The following MMP9 variants were observed in gnomAD, a reference collection of about 807,000 sequenced individuals.
The protein encoded by MMP9 is matrix metalloproteinase-9.
A neutral mutation model predicts 76.4 loss-of-function variants in MMP9; 73 were observed. The ratio of observed to expected loss-of-function variants is 0.96; its 90% confidence interval spans 0.79 to 1.16. The LOEUF is 1.16. Ranked by LOEUF, MMP9 falls within the 50% of genes most tolerant of loss-of-function variation. The pLI, the probability that MMP9 is intolerant of heterozygous loss-of-function variation, is 0.00. For synonymous variants in MMP9, 412 were observed against 408.4 expected, an observed-to-expected ratio of 1.01 and a Z score of -0.11; for missense variants, 943 against 973.0, an observed-to-expected ratio of 0.97 and a Z score of 0.41.
rs755208384 is a variant in MMP9 at position 46,013,345 on chromosome 20, C to A, written c.1421C>A (p.Thr474Asn). ...PPTVCPTGPP[T>N]VHPSERPTAG... is the part of the protein sequence containing the mutation. ...ACGGTCTGCCCCACCGGACCCCCCA[C>A]TGTCCACCCCTCAGAGCGCCCCACA... Residue 474 changes from threonine (T) to asparagine (N), a missense_variant, in exon 9 of 13, where the codon ACT (threonine) becomes AAT (asparagine). Physicochemically the swap from Thr to Asn is moderately conservative, Grantham distance 65. Transcript: ENST00000372330. The surrounding 1 kb of genome is among the most constrained non-coding windows in gnomAD (Gnocchi z 4.5). 9.3e-6 allele frequency: 15 copies of A among 1,613,312 alleles called. No homozygotes were observed. The highest frequency in any genetic ancestry group is 8.5e-6 in the Non-Finnish European group (10 of 1,179,592).
At position 46,011,023 on chromosome 20, in the gene MMP9, G is replaced by C. The variant is rs139218878; in HGVS notation, c.622G>C (p.Glu208Gln). The C allele has an allele frequency of 6.2e-7, 1 of 1,610,338 alleles. No homozygotes were observed. Among genetic ancestry groups the C allele is most frequent in the African/African-American group, 1.3e-5 (1 of 74,878 alleles). ...IQGDAHFDDD[E>Q]LWSLGKGVVV... ...GGGAGACGCCCATTTCGACGATGAC[G>C]AGTTGTGGTCCCTGGGCAAGGGCGT... Residue 208 changes from glutamate to glutamine, a missense_variant, in exon 4 of 13, where the codon GAG becomes CAG. Transcript: ENST00000372330.
chr20:46,014,352 C>T lies in MMP9; in HGVS notation c.1902-19C>T. On this transcript the variant is annotated intron_variant, in intron 11 of 12. Coordinates refer to ENST00000372330, the MANE Select transcript of MMP9 (RefSeq NM_004994.3). ...CCGCTAGCCGGCTCAGCACCTGTCT[C>T]CTCCGCGCCTGCCCGCAGGTTCGAC... is the stretch of plus-strand genomic sequence containing the variant. The T allele has an allele frequency of 6.5e-7, 1 of 1,545,662 alleles. No homozygotes were observed. Among genetic ancestry groups the T allele is most frequent in the Non-Finnish European group, 8.7e-7 (1 of 1,146,876 alleles).
chr20:46,011,438 C>T, intron 5 of MMP9, 122 bp downstream of exon 5: 2 of 1,563,848 alleles, frequency 1.3e-6, no homozygotes, highest in Non-Finnish European at 1.7e-6. Flanking sequence ...ACTCTGGGCC[C>T]AATTTTCTCA....
chr20:46,011,395 T>C, intron 5 of MMP9, 79 bp downstream of exon 5: 1 of 1,569,706 alleles, frequency 6.4e-7, no homozygotes, highest in Non-Finnish European at 8.7e-7. Flanking sequence ...GCTCTGCCAC[T>C]AGTGCTGTGT....
In MMP9 at chr20:46,011,220, G is replaced by C; in HGVS notation, c.727G>C (p.Ala243Pro). The C allele has an allele frequency of 6.2e-7, 1 of 1,613,928 alleles. No individual in the cohort carries two copies. The highest frequency in any genetic ancestry group is 1.3e-5 in the African/African-American group (1 of 75,046). Reference protein sequence around the residue: ...PFIFEGRSYSACTTDGRSDGL... With the variant: ...PFIFEGRSYSPCTTDGRSDGL... ...CATCTTCGAGGGCCGCTCCTACTCT[G>C]CCTGCACCACCGACGGTCGCTCCGA... Residue 243 changes from alanine to proline, a missense_variant, in exon 5 of 13, where the codon GCC becomes CCC. Physicochemically the swap from Ala to Pro is conservative, Grantham distance 27 (BLOSUM62 -1). Coordinates refer to ENST00000372330, the MANE Select transcript of MMP9 (RefSeq NM_004994.3).
Position 46,010,650 on chromosome 20 carries a change from A to C in MMP9, c.520+19A>C, listed in dbSNP as rs369381301. The C allele has an allele frequency of 1.3e-5, 21 of 1,608,744 alleles. No individual in the cohort carries two copies. Among genetic ancestry groups the C allele is most frequent in the Non-Finnish European group, 1.8e-5 (21 of 1,177,294 alleles). On this transcript the variant is annotated intron_variant, in intron 3 of 12. Coordinates refer to ENST00000372330, the MANE Select transcript of MMP9 (RefSeq NM_004994.3). ...GTCGCGGGTGAGAACGTGAGGAGGGAAAATCCAAGAGACCTGGGCGGGGTC... is the reference window on the plus strand; with the variant it reads ...GTCGCGGGTGAGAACGTGAGGAGGGCAAATCCAAGAGACCTGGGCGGGGTC...
In MMP9 at chr20:46,008,985, C is replaced by G. The variant is rs1805088; in HGVS notation, c.59C>G (p.Ala20Gly). 6.2e-6 allele frequency: 10 copies of G among 1,613,804 alleles called. No homozygotes were observed. The Admixed American group carries it at 6.7e-5, about 11-fold the overall frequency. The change falls in exon 1 of 13, where the codon GCC becomes GGC. Residue 20 changes from alanine to glycine, a missense_variant. Ala to Gly is a moderately conservative substitution (Grantham distance 60). Transcript: ENST00000372330. ...VLLVLGCCFA[A>G]PRQRQSTLVL... ...CTGGTGCTGGGCTGCTGCTTTGCTG[C>G]CCCCAGACAGCGCCAGTCCACCCTT...
At chr20:46,009,796 A>T in intron 1 of MMP9, 70 bp from the exon 2 acceptor site, 1 of 1,302,588 alleles carries the variant, frequency 7.7e-7, no homozygotes, top group South Asian at 1.3e-5. Context: ...GTCTGGAGGG[A>T]GTCCTTTGGC....
In MMP9 at chr20:46,014,360, C is replaced by G. The variant is rs1163117972; in HGVS notation, c.1902-11C>G. ...CGGCTCAGCACCTGTCTCCTCCGCG[C>G]CTGCCCGCAGGTTCGACGTGAAGGC... On this transcript the variant is annotated splice_polypyrimidine_tract_variant and intron_variant, in intron 11 of 12. Transcript: ENST00000372330. 3 of 1,546,492 alleles carry G rather than the reference C, an allele frequency of 1.9e-6. No individual in the cohort carries two copies. In the Admixed American group the frequency reaches 5.9e-5, roughly 30 times the overall value.
At chr20:46,015,436 C>CT (rs996907608) in intron 12 of MMP9, among the ~76,000 whole-genome samples, 13 of 145,768 alleles carry the variant, frequency 8.9e-5, no homozygotes, top group South Asian at 2.2e-4. Context: ...TCTATATTTT[C>CT]TTTTTTTTTC....
chr20:46,013,234 T>C lies in MMP9; in HGVS notation c.1331-21T>C, dbSNP rs2084295360. The C allele has an allele frequency of 6.2e-7, 1 of 1,613,762 alleles. No individual in the cohort carries two copies. Among genetic ancestry groups the C allele is most frequent in the Non-Finnish European group, 8.5e-7 (1 of 1,179,874 alleles). ...GAGGTATGCAGGAATAGGAAGAGTCTCACCCCGTGTCTCTTTTTAGGTCCT... is the reference window on the plus strand; with the variant it reads ...GAGGTATGCAGGAATAGGAAGAGTCCCACCCCGTGTCTCTTTTTAGGTCCT... On this transcript the variant is annotated intron_variant, in intron 8 of 12. Coordinates refer to ENST00000372330, the MANE Select transcript of MMP9 (RefSeq NM_004994.3). The surrounding 1 kb of genome is among the most constrained non-coding windows in gnomAD (Gnocchi z 4.5).
Position 46,013,576 on chromosome 20 carries a change from G to A in MMP9, c.1610+42G>A. 1 of 1,611,396 alleles carries A rather than the reference G, an allele frequency of 6.2e-7. No individual in the cohort carries two copies. ...GTGTGGATGCGGGAGGGGGCTTTGC[G>A]GAGGGGCTGCCCGTCCCTTCCCGCC... On this transcript the variant is annotated intron_variant, in intron 9 of 12. Coordinates refer to ENST00000372330, the MANE Select transcript of MMP9 (RefSeq NM_004994.3). This position sits in a 1 kb window ranked among gnomAD's most constrained non-coding sequence, Gnocchi z 4.5.
Position 46,013,870 on chromosome 20 carries a change from C to A in MMP9, c.1750+74C>A, listed in dbSNP as rs892533981. ...AGGAGGCTCAAGAGACCATCGATAA[C>A]CCACGAAACGTCTTGTGCGTTTTAG... On this transcript the variant is annotated intron_variant, in intron 10 of 12. Transcript: ENST00000372330. The surrounding 1 kb of genome is among the most constrained non-coding windows in gnomAD (Gnocchi z 4.5). 8 of 1,590,256 alleles carry A rather than the reference C, an allele frequency of 5.0e-6. No homozygotes were observed. Among genetic ancestry groups the A allele is most frequent in the South Asian group, 2.3e-5 (2 of 88,828 alleles).
chr20:46,010,611 T>C lies in MMP9; in HGVS notation c.500T>C (p.Val167Ala), dbSNP rs747962072. 1 of 1,613,850 alleles carries C rather than the reference T, an allele frequency of 6.2e-7. No individual in the cohort carries two copies. Among genetic ancestry groups the C allele is most frequent in the South Asian group, 1.1e-5 (1 of 91,038 alleles). Residue 167 changes from valine to alanine, a missense_variant, in exon 3 of 13, where the codon GTC becomes GCC. By Grantham distance (64) the Val-to-Ala change is moderately conservative (BLOSUM62 0). Coordinates refer to ENST00000372330, the MANE Select transcript of MMP9 (RefSeq NM_004994.3). ...GTGTACAGCCGGGACGCAGACATCG[T>C]CATCCAGTTTGGTGTCGCGGGTGAG... The part of the protein sequence containing the change: ...TRVYSRDADI[V>A]IQFGVAEHGD...
In MMP9 at chr20:46,012,117, A is replaced by G; in HGVS notation, c.998-20A>G. Reference sequence around the variant, plus strand: ...TTGGACTCATCCATCTGGCTCATCCAAGGCCTTGGGTCTCTCCAGCTGACT... The same window carrying G: ...TTGGACTCATCCATCTGGCTCATCCGAGGCCTTGGGTCTCTCCAGCTGACT... On this transcript the variant is annotated intron_variant, in intron 6 of 12. Coordinates refer to ENST00000372330, the MANE Select transcript of MMP9 (RefSeq NM_004994.3). 1 of 1,612,294 alleles carries G rather than the reference A, an allele frequency of 6.2e-7. No homozygotes were observed.
chr20:46,012,389 G>A (rs781602420), intron 7 of MMP9, 38 bp from the exon 8 acceptor site: 1 of 1,613,604 alleles, frequency 6.2e-7, no homozygotes, highest in Admixed American at 1.7e-5. Flanking sequence ...CTGGGGGCTC[G>A]GCCCGGCGCT....
At chr20:46,015,282 C>T (rs1845962452) in intron 12 of MMP9, among the ~76,000 whole-genome samples, 1 of 152,190 alleles carries the variant, frequency 6.6e-6, no homozygotes, top group South Asian at 2.1e-4. Context: ...CAGTTGTTCC[C>T]TCTGTCTGGA....
At chr20:46,011,881 C>A in intron 6 of MMP9, 134 bp downstream of exon 6, 1 of 1,167,356 alleles carries the variant, frequency 8.6e-7, no homozygotes, top group Non-Finnish European at 1.2e-6. Flanking sequence ...CTCCGCCCAC[C>A]TACACCACAT....
In MMP9 at chr20:46,013,181, T is replaced by C; in HGVS notation, c.1331-74T>C. On this transcript the variant is annotated intron_variant, in intron 8 of 12. Transcript: ENST00000372330. The surrounding 1 kb of genome is among the most constrained non-coding windows in gnomAD (Gnocchi z 4.5). ...GCCAGAGGAGGCTTCACTGAGAAGC[T>C]TAGGGGAGCAGATGTTCTAGGGGTA... 6.3e-7 allele frequency: 1 copy of C among 1,583,624 alleles called. No individual in the cohort carries two copies. Among genetic ancestry groups the C allele is most frequent in the South Asian group, 1.1e-5 (1 of 90,408 alleles).
Sources: gnomAD v4.1 joint callset for allele counts (sites outside exome capture counted in the v4.1 genomes callset) on GRCh38, gnomAD v4.1.1 for gene constraint, Gnocchi (gnomAD v3.1) non-coding constraint, MANE v1.5 for transcripts, NCBI Gene and HGNC (gene_info 2026-07-23, HGNC 2026-07-21) for gene names.